The following PRKN variants were observed in gnomAD, a reference collection of about 807,000 sequenced individuals.
PRKN encodes parkin RBR E3 ubiquitin protein ligase.
In PRKN, 56 loss-of-function variants were observed where a neutral mutation model predicts 59.5. The observed-to-expected ratio is 0.94, with a 90% CI of 0.76 to 1.18. PRKN has a LOEUF of 1.18. Among genes scored for constraint, PRKN ranks in the 50% most tolerant of loss-of-function variants. The pLI is 0.00. For missense variants in PRKN, 657 were observed against 596.4 expected (o/e 1.10, Z -1.06); for synonymous variants, 250 against 222.1 (o/e 1.13, Z -1.12).
chr6:162,095,971 G>A (rs2128297532), intron 4 of PRKN, among the ~76,000 whole-genome samples: 1 of 152,322 alleles, frequency 6.6e-6, no homozygotes, highest in East Asian at 1.9e-4. Flanking sequence ...ATCTGCAGAA[G>A]AGGTCTTGGT....
chr6:161,997,091 T>C (rs1781876292), intron 5 of PRKN, among the ~76,000 whole-genome samples: 1 of 152,138 alleles, frequency 6.6e-6, no homozygotes, highest in African/African-American at 2.4e-5. Flanking sequence ...CGTAATAAAC[T>C]GAGATCTAGG....
At position 161,467,615 on chromosome 6, in the gene PRKN, G is replaced by C. The variant is rs551922647; in HGVS notation, c.1084-80738C>G. On this transcript the variant is annotated intron_variant, in intron 9 of 11. Transcript: ENST00000366898. The surrounding 1 kb of genome is among the most constrained non-coding windows in gnomAD (Gnocchi z 4.3). The stretch of plus-strand genomic sequence containing the variant: ...AGCCTAAAAGGAGGATACAGGGAAG[G>C]CTTCCTGGAGATGATGACGCTTGAG... Among the ~76,000 whole-genome samples the C allele has an allele frequency of 1.3e-5, 2 of 152,314 alleles. No individual in the cohort carries two copies. Among genetic ancestry groups the C allele is most frequent in the East Asian group, 3.9e-4 (2 of 5,184 alleles).
At chr6:161,929,353 A>G (rs1406385671) in intron 6 of PRKN, among the ~76,000 whole-genome samples, 2 of 152,154 alleles carry the variant, frequency 1.3e-5, no homozygotes, top group Non-Finnish European at 2.9e-5. Context: ...GAGGCTGGGA[A>G]GACAGGGAAA....
intron 9 of PRKN, among the ~76,000 whole-genome samples, chr6:161,490,359 C>T (rs898327940): frequency 1.3e-5 from 2 of 150,138 alleles, no homozygotes; most frequent in South Asian, 2.1e-4. Flanking sequence ...CTCTCTCTCT[C>T]CCTCTCTCTC....
At chr6:161,817,771 C>A (rs1791849576) in intron 6 of PRKN, among the ~76,000 whole-genome samples, 1 of 152,160 alleles carries the variant, frequency 6.6e-6, no homozygotes, top group African/African-American at 2.4e-5. Flanking sequence ...CACACATGAT[C>A]ACGAATGACA....
chr6:162,452,802 G>A (rs1039539495), intron 1 of PRKN, among the ~76,000 whole-genome samples: 8 of 128,770 alleles, frequency 6.2e-5, no homozygotes, highest in African/African-American at 1.5e-4. Context: ...CAGGGACTAC[G>A]TGGACAGAGG....
chr6:162,422,946 C>T (rs1050377061), intron 2 of PRKN, among the ~76,000 whole-genome samples: 1 of 79,052 alleles, frequency 1.3e-5, no homozygotes, highest in Non-Finnish European at 2.2e-5. Context: ...ACTCCATCTC[C>T]AAGAGACCAA....
intron 6 of PRKN, among the ~76,000 whole-genome samples, chr6:161,866,576 AAAAAG>A (rs748767455): frequency 1.1e-4 from 17 of 152,314 alleles, no homozygotes; most frequent in African/African-American, 3.4e-4. Flanking sequence ...CTCTGTTTAA[AAAAAG>A]AAAAGAAAAG....
In PRKN at chr6:161,385,571, T is replaced by C. The variant is rs1562411755; in HGVS notation, c.1167+1223A>G. Among the ~76,000 whole-genome samples, 2 of 152,214 alleles carry C rather than the reference T, an allele frequency of 1.3e-5. No individual in the cohort carries two copies. Among genetic ancestry groups the C allele is most frequent in the Non-Finnish European group, 2.9e-5 (2 of 68,042 alleles). On this transcript the variant is annotated intron_variant, in intron 10 of 11. Transcript: ENST00000366898. This position sits in a 1 kb window ranked among gnomAD's most constrained non-coding sequence, Gnocchi z 4.9. ...TCTTCTTTCCCTTACAGCTACTGTT[T>C]CCAAATAAATACTGTAGATGCCAGA...
At chr6:161,874,233 A>T (rs373452380) in intron 6 of PRKN, among the ~76,000 whole-genome samples, 3,855 of 17,988 alleles carry the variant, frequency 0.21, 893 homozygotes, top group Middle Eastern at 0.25. Context: ...TATTATATAT[A>T]ATATATAATA....
At position 162,100,996 on chromosome 6, in the gene PRKN, T is replaced by C. The variant is rs369312943; in HGVS notation, c.535-46822A>G. Among the ~76,000 whole-genome samples, 163 of 152,306 alleles carry C rather than the reference T, an allele frequency of 1.1e-3. 3 individuals carry two copies. In the South Asian group the frequency reaches 0.033, roughly 31 times the overall value. On this transcript the variant is annotated intron_variant, in intron 4 of 11. Coordinates refer to ENST00000366898, the MANE Select transcript of PRKN (RefSeq NM_004562.3). Reference sequence around the variant, plus strand: ...TTGAATATTAACCTCTTATCAAATGTATGGTTGGCAAATATTTTCTGCCAT... The same window carrying C: ...TTGAATATTAACCTCTTATCAAATGCATGGTTGGCAAATATTTTCTGCCAT...
At chr6:162,518,821 T>C (rs759143864) in intron 1 of PRKN, among the ~76,000 whole-genome samples, 1 of 152,170 alleles carries the variant, frequency 6.6e-6, no homozygotes, top group Non-Finnish European at 1.5e-5. Flanking sequence ...CAACACTTCA[T>C]CACAACAAAG....
rs551011465 is a variant in PRKN, at chr6:162,517,394, C to T, written c.8-73921G>A. ...GCCGGAGTAGCTGGGACTACAGGCA[C>T]CCGCCACCAGGCCCGACTAATTTGT... is the stretch of plus-strand genomic sequence containing the variant. On this transcript the variant is annotated intron_variant, in intron 1 of 11. Transcript: ENST00000366898. 8.8e-4 allele frequency among the ~76,000 whole-genome samples: 133 copies of T among 151,466 alleles called. No homozygotes were observed. The Middle Eastern group carries it at 0.01, about 12-fold the overall frequency.
intron 9 of PRKN, among the ~76,000 whole-genome samples, chr6:161,449,433 C>T (rs1415070354): frequency 6.6e-6 from 1 of 152,068 alleles, no homozygotes; most frequent in Admixed American, 6.5e-5. Flanking sequence ...CATCGTGGGC[C>T]CCAGGGAAAG....
At chr6:161,374,708 TTATG>T (rs1785612608) in intron 10 of PRKN, among the ~76,000 whole-genome samples, 2 of 3,072 alleles carry the variant, frequency 6.5e-4, no homozygotes, top group South Asian at 0.012. Context: ...TGCGTTATGT[TTATG>T]TGTGTGGCAT....
chr6:161,547,792 T>A lies in PRKN; in HGVS notation c.1083+1062A>T, dbSNP rs531320730. On this transcript the variant is annotated intron_variant, in intron 9 of 11. Coordinates refer to ENST00000366898, the MANE Select transcript of PRKN (RefSeq NM_004562.3). The surrounding 1 kb of genome is among the most constrained non-coding windows in gnomAD (Gnocchi z 4.0). ...TCCAGGGAGAGTAAACACTTGAGTT[T>A]TCATTCTAATGCAATCACGATTATG... 2.9e-4 allele frequency among the ~76,000 whole-genome samples: 44 copies of A among 152,322 alleles called. No homozygotes were observed. The highest frequency in any genetic ancestry group is 3.2e-4 in the Non-Finnish European group (22 of 68,032).
At chr6:161,843,912 C>G (rs1288497499) in intron 6 of PRKN, among the ~76,000 whole-genome samples, 1 of 152,154 alleles carries the variant, frequency 6.6e-6, no homozygotes, top group Non-Finnish European at 1.5e-5. Context: ...CCTAGGATCC[C>G]TGTTGGGATC....
At chr6:162,648,484 T>G (rs1778287222) in intron 1 of PRKN, among the ~76,000 whole-genome samples, 1 of 151,482 alleles carries the variant, frequency 6.6e-6, no homozygotes, top group Non-Finnish European at 1.5e-5. Context: ...CGGGTTCAAG[T>G]GATTCTCCTG....
chr6:162,700,385 C>G (rs1355633049), intron 1 of PRKN, among the ~76,000 whole-genome samples: 1 of 152,168 alleles, frequency 6.6e-6, no homozygotes, highest in African/African-American at 2.4e-5. Flanking sequence ...TTTGTGTGAA[C>G]AGCAAGACAA....
Sources: gnomAD v4.1 joint callset for allele counts (sites outside exome capture counted in the v4.1 genomes callset) on GRCh38, gnomAD v4.1.1 for gene constraint, Gnocchi (gnomAD v3.1) non-coding constraint, MANE v1.5 for transcripts, NCBI Gene and HGNC (gene_info 2026-07-23, HGNC 2026-07-21) for gene names.